Variants in ANO1 observed in about 807,000 individuals in gnomAD.
The protein encoded by ANO1 is anoctamin-1.
A neutral mutation model predicts 124.0 loss-of-function variants in ANO1; 59 were observed. The observed-to-expected ratio is 0.48, with a 90% confidence interval of 0.39 to 0.59. ANO1 has a LOEUF of 0.59. Among genes scored for constraint, ANO1 ranks in the 20% least tolerant of loss-of-function variants. ANO1 has a pLI of 0.00. For missense variants in ANO1, 1,059 were observed against 1,328.0 expected, an observed-to-expected ratio of 0.80 and a Z score of 3.15; for synonymous variants, 529 against 532.0, an observed-to-expected ratio of 0.99 and a Z score of 0.08.
chr11:70,036,932 C>T (rs1555004490), intron 1 of ANO1, among the ~76,000 whole-genome samples: 1 of 152,226 alleles, frequency 6.6e-6, no homozygotes, highest in Non-Finnish European at 1.5e-5. Context: ...ACATGCCTGC[C>T]TTTCTCTCCC....
At chr11:70,057,662 G>T (rs1857472443) in intron 1 of ANO1, among the ~76,000 whole-genome samples, 3 of 152,164 alleles carry the variant, frequency 2.0e-5, no homozygotes, top group Admixed American at 2.0e-4. Flanking sequence ...GAGACTCATT[G>T]TCCAGGGGAG....
rs147958924 is a variant in ANO1 at position 69,994,139 on chromosome 11, C to T, written c.58+7973C>T. On this transcript the variant is annotated intron_variant, in intron 1 of 27. Transcript: ENST00000531349. ...CAGTCACAGCTGGAAGGGACCTAAG[C>T]GGTGCATGGGCTAGCTGAGCATCAC... Among the ~76,000 whole-genome samples, 472 of 150,008 alleles carry T rather than the reference C, an allele frequency of 3.1e-3. 4 individuals are homozygous for T. The highest frequency in any genetic ancestry group is 8.5e-3 in the African/African-American group (347 of 40,592).
At chr11:70,185,174 A>G (rs2049064722) in intron 24 of ANO1, among the ~76,000 whole-genome samples, 1 of 152,156 alleles carries the variant, frequency 6.6e-6, no homozygotes, top group African/African-American at 2.4e-5. Flanking sequence ...AACCCCCCCG[A>G]CTTCAACCAA....
chr11:70,144,664 T>A (rs1198776026), intron 11 of ANO1, among the ~76,000 whole-genome samples: 1 of 152,258 alleles, frequency 6.6e-6, no homozygotes, highest in African/African-American at 2.4e-5. Context: ...CCCTCTGTGC[T>A]GTGTGCTGTG....
chr11:70,126,295 A>C, intron 10 of ANO1, 100 bp downstream of exon 10: 1 of 1,400,884 alleles, frequency 7.1e-7, no homozygotes, highest in Admixed American at 2.4e-5. Context: ...TCTCACACCA[A>C]TTCCTGTACA....
chr11:69,993,129 A>T (rs1856188068), intron 1 of ANO1, among the ~76,000 whole-genome samples: 1 of 151,916 alleles, frequency 6.6e-6, no homozygotes, highest in South Asian at 2.1e-4. Context: ...GCCCCACCCC[A>T]ATGGGGCCAG....
At chr11:70,080,128 G>A (rs1433672260) in intron 1 of ANO1, among the ~76,000 whole-genome samples, 2 of 152,244 alleles carry the variant, frequency 1.3e-5, no homozygotes, top group Non-Finnish European at 2.9e-5. Context: ...AACGTTACCC[G>A]TTATCCACGG....
At chr11:70,028,829 T>G (rs1856953511) in intron 1 of ANO1, among the ~76,000 whole-genome samples, 1 of 152,066 alleles carries the variant, frequency 6.6e-6, no homozygotes, top group African/African-American at 2.4e-5. Flanking sequence ...TTGCCCGGGC[T>G]AGAGTGCAAT....
rs571951416 is a variant in ANO1 at position 70,013,671 on chromosome 11, G to A, written c.58+27505G>A. On this transcript the variant is annotated intron_variant, in intron 1 of 27. Transcript: ENST00000531349. Reference sequence around the variant, plus strand: ...CAAAAAATTAGCCAGGTGTGGTGACGCATGCCTCAAGTCCCAGCTACTCAG... The same window carrying A: ...CAAAAAATTAGCCAGGTGTGGTGACACATGCCTCAAGTCCCAGCTACTCAG... Among the ~76,000 whole-genome samples the A allele has an allele frequency of 1.4e-4, 22 of 152,060 alleles. No individual in the cohort carries two copies. The South Asian group carries it at 3.1e-3, about 22-fold the overall frequency.
chr11:70,103,810 G>A (rs943883884), intron 3 of ANO1, among the ~76,000 whole-genome samples, 189 bp from the exon 4 acceptor site: 2 of 152,248 alleles, frequency 1.3e-5, no homozygotes, highest in African/African-American at 4.8e-5. Flanking sequence ...TTGGCTGGGC[G>A]CTCCTGAAAC....
intron 2 of ANO1, among the ~76,000 whole-genome samples, chr11:70,095,295 GGAAGGAAA>G (rs747706108): frequency 0.013 from 904 of 71,058 alleles, 86 homozygotes; most frequent in South Asian, 0.032. Flanking sequence ...AAGGAAGGAA[GGAAGGAAA>G]GAAAGAAAGA....
chr11:69,985,336 C>CGGGGA (rs575391036), upstream of ANO1, among the ~76,000 whole-genome samples: 172 of 131,142 alleles, frequency 1.3e-3, 4 homozygotes, highest in East Asian at 0.034. Context: ...GGAGGGAACC[C>CGGGGA]GGGGAGGGGA....
At chr11:70,155,160 C>A (rs2047758585) in intron 14 of ANO1, among the ~76,000 whole-genome samples, 2 of 152,172 alleles carry the variant, frequency 1.3e-5, no homozygotes, top group African/African-American at 2.4e-5. Context: ...TCCTAAGGGG[C>A]AGAAAAGGGC....
chr11:69,982,363 C>G (rs1442455590), upstream of ANO1, among the ~76,000 whole-genome samples: 2 of 152,168 alleles, frequency 1.3e-5, no homozygotes, highest in African/African-American at 4.8e-5. Flanking sequence ...TGCCAGAACC[C>G]CCTAAAAGTC....
At chr11:70,024,279 T>C (rs1856854000) in intron 1 of ANO1, among the ~76,000 whole-genome samples, 1 of 152,210 alleles carries the variant, frequency 6.6e-6, no homozygotes, top group African/African-American at 2.4e-5. Flanking sequence ...CTTAGCTGTG[T>C]GTACCCACTA....
At chr11:70,022,531 G>A (rs954237274) in intron 1 of ANO1, among the ~76,000 whole-genome samples, 7 of 151,976 alleles carry the variant, frequency 4.6e-5, no homozygotes, top group African/African-American at 7.3e-5. Context: ...CCTGGGAGAC[G>A]GGAGATGGAG....
chr11:70,169,952 A>C (rs17333013), intron 21 of ANO1: 38,267 of 329,552 alleles, frequency 0.12, 2,455 homozygotes, highest in Middle Eastern at 0.15. Flanking sequence ...TTCCACTCAG[A>C]AACCTTTTCC....
chr11:70,179,964 G>A (rs1253517177), intron 22 of ANO1, 40 bp from the exon 23 acceptor site: 1 of 1,581,078 alleles, frequency 6.3e-7, no homozygotes, highest in Non-Finnish European at 8.7e-7. Context: ...ATGACTGAGA[G>A]TGTAGGGCTC....
intron 1 of ANO1, chr11:70,085,455 G>A (rs2044334520): frequency 6.5e-7 from 1 of 1,535,544 alleles, no homozygotes; most frequent in Admixed American, 2.0e-5. Context: ...CACCAGCACA[G>A]CGGGGCCCTG....
Sources: allele counts gnomAD v4.1 joint callset (sites outside exome capture counted in the v4.1 genomes callset), GRCh38; gene constraint gnomAD v4.1.1; transcripts MANE v1.5; gene names NCBI Gene and HGNC (gene_info 2026-07-23, HGNC 2026-07-21).